Variants in OSBPL6 observed in about 807,000 individuals in gnomAD.
OSBPL6 encodes oxysterol binding protein like 6.
A neutral mutation model predicts 125.8 loss-of-function variants in OSBPL6; 49 were observed. The observed-to-expected ratio is 0.39, with a 90% CI of 0.31 to 0.49. OSBPL6 has a LOEUF of 0.49. OSBPL6 is among the 20% of genes least tolerant of loss of function. OSBPL6 has a pLI of 0.88. For synonymous variants in OSBPL6, 394 were observed against 391.8 expected (o/e 1.01, Z -0.07); for missense variants, 986 against 1,135.4 (o/e 0.87, Z 1.89).
chr2:178,366,396 G>A (rs1323791488), intron 13 of OSBPL6, among the ~76,000 whole-genome samples: 1 of 152,208 alleles, frequency 6.6e-6, no homozygotes, highest in Non-Finnish European at 1.5e-5. Context: ...CGCAGTGAGA[G>A]TTGGGCTCAT....
intron 1 of OSBPL6, among the ~76,000 whole-genome samples, chr2:178,205,246 A>G (rs575931176): frequency 6.6e-6 from 1 of 152,336 alleles, no homozygotes; most frequent in East Asian, 1.9e-4. Context: ...GTGACAGCTC[A>G]TGATTAAGTA....
intron 9 of OSBPL6, among the ~76,000 whole-genome samples, chr2:178,336,849 C>T (rs551451596): frequency 5.0e-4 from 76 of 152,174 alleles, no homozygotes; most frequent in Non-Finnish European, 9.8e-4. Context: ...AGGTCACTTC[C>T]GCAGCTGCCT....
chr2:178,323,939 T>C (rs577521444), intron 3 of OSBPL6, among the ~76,000 whole-genome samples: 3 of 152,308 alleles, frequency 2.0e-5, no homozygotes, highest in South Asian at 2.1e-4. Flanking sequence ...TTCCTCTGAC[T>C]CTCCAAGACT....
chr2:178,276,508 G>A (rs532756253), intron 1 of OSBPL6, among the ~76,000 whole-genome samples: 16 of 151,964 alleles, frequency 1.1e-4, no homozygotes, highest in Admixed American at 7.9e-4. Context: ...AAGTAGCTGG[G>A]ATTACAGGTA....
Position 178,339,692 on chromosome 2 carries a change from A to G in OSBPL6, c.915A>G (p.Ser305=), listed in dbSNP as rs1690028403. The G allele has an allele frequency of 1.9e-6, 3 of 1,605,502 alleles. No individual in the cohort carries two copies. Among genetic ancestry groups the G allele is most frequent in the African/African-American group, 1.3e-5 (1 of 74,308 alleles). Reference sequence around the variant, plus strand: ...TGTAGGCTAACTGTGTAGATATTTCAAAGAAAGACAAGCGGGTCACAAGAC... The same window carrying G: ...TGTAGGCTAACTGTGTAGATATTTCGAAGAAAGACAAGCGGGTCACAAGAC... ...TDMQANCVDI[S]KKDKRVTRRW... Residue 305 remains serine (S), a synonymous_variant, in exon 11 of 25, where the codon TCA becomes TCG. Transcript: ENST00000190611.
intron 12 of OSBPL6, among the ~76,000 whole-genome samples, chr2:178,361,022 A>G (rs1692303832): frequency 6.6e-6 from 1 of 152,244 alleles, no homozygotes; most frequent in Non-Finnish European, 1.5e-5. Flanking sequence ...CTCAGATTTT[A>G]CCAATGCTAA....
chr2:178,316,727 TCA>T (rs1309936172), intron 3 of OSBPL6, among the ~76,000 whole-genome samples: 1 of 152,144 alleles, frequency 6.6e-6, no homozygotes, highest in South Asian at 2.1e-4. Context: ...GTATTAGGTA[TCA>T]CAAGTAATAT....
intron 3 of OSBPL6, among the ~76,000 whole-genome samples, chr2:178,307,849 GA>G (rs1253716857): frequency 9.9e-5 from 15 of 152,268 alleles, no homozygotes; most frequent in African/African-American, 3.6e-4. Context: ...GACTCCTGTA[GA>G]AACATCTATC....
In OSBPL6 at chr2:178,334,101, T is replaced by TA. The variant is rs1023761794; in HGVS notation, c.657+1069dup. 3.8e-4 allele frequency among the ~76,000 whole-genome samples: 57 copies of TA among 151,790 alleles called. No homozygotes were observed. In the Middle Eastern group the frequency reaches 0.01, roughly 27 times the overall value. On this transcript the variant is annotated intron_variant, in intron 8 of 24. Coordinates refer to ENST00000190611, the MANE Select transcript of OSBPL6 (RefSeq NM_032523.4). ...ATGAAAAGCAAGAGATGTTGTTTGTTAAAAAAAAATCAAGGTTAAGTCAAC... is the reference window on the plus strand; with the variant it reads ...ATGAAAAGCAAGAGATGTTGTTTGTTAAAAAAAAAATCAAGGTTAAGTCAAC...
At chr2:178,282,140 G>A (rs1231004651) in intron 1 of OSBPL6, among the ~76,000 whole-genome samples, 1 of 152,198 alleles carries the variant, frequency 6.6e-6, no homozygotes, top group African/African-American at 2.4e-5. Flanking sequence ...TGAAGGAGTT[G>A]GGAGTTGCAG....
chr2:178,328,136 T>G, intron 4 of OSBPL6, 120 bp from the exon 5 acceptor site: 1 of 1,300,754 alleles, frequency 7.7e-7, no homozygotes, highest in African/African-American at 1.5e-5. Flanking sequence ...GGAATGTTGT[T>G]CATCCTTCTT....
Position 178,332,710 on chromosome 2 carries a change from C to T in OSBPL6, c.442C>T (p.Arg148Ter), listed in dbSNP as rs780487276. Reference sequence around the variant, plus strand: ...AGTCATGTCAATTAAAAAGAAAGCTCGAAGAATAGACCTTGACACCGAAGA... The same window carrying T: ...AGTCATGTCAATTAAAAAGAAAGCTTGAAGAATAGACCTTGACACCGAAGA... ...LSVMSIKKKA[R>*]RIDLDTEEHI... The change falls in exon 7 of 25, where the codon CGA becomes TGA. Residue 148 changes from arginine to a stop codon, truncating the protein, a stop_gained. Transcript: ENST00000190611. LOFTEE classifies it high-confidence loss of function. The T allele has an allele frequency of 1.9e-6, 3 of 1,613,940 alleles. No homozygotes were observed. Among genetic ancestry groups the T allele is most frequent in the South Asian group, 1.1e-5 (1 of 91,062 alleles).
At chr2:178,221,518 A>G (rs1046934409) in intron 1 of OSBPL6, among the ~76,000 whole-genome samples, 1 of 152,226 alleles carries the variant, frequency 6.6e-6, no homozygotes, top group African/African-American at 2.4e-5. Context: ...TTCTAAGATA[A>G]TTATTTGATC....
chr2:178,304,705 A>G (rs1005836072), intron 2 of OSBPL6, among the ~76,000 whole-genome samples: 2 of 152,142 alleles, frequency 1.3e-5, no homozygotes, highest in Admixed American at 1.3e-4. Context: ...TAACACATGA[A>G]TTTTGGTGCA....
In OSBPL6 at chr2:178,320,407, G is replaced by A. The variant is rs763127881; in HGVS notation, c.103-3770G>A. 7 of 1,612,842 alleles carry A rather than the reference G, an allele frequency of 4.3e-6. No individual in the cohort carries two copies. The Admixed American group carries it at 1.0e-4, about 23-fold the overall frequency. On this transcript the variant is annotated intron_variant, in intron 3 of 24. Transcript: ENST00000190611. ...ATCAGGGGAAACAGAGGGCGGGTAAGTACTTCCACCTTCTCTGTGTGTTCT... is the reference window on the plus strand; with the variant it reads ...ATCAGGGGAAACAGAGGGCGGGTAAATACTTCCACCTTCTCTGTGTGTTCT...
rs1164799205 is a variant in OSBPL6 at position 178,402,796 on chromosome 2, C to A, written c.*7237C>A. 2 of 152,114 alleles carry A rather than the reference C, an allele frequency of 1.3e-5. No individual in the cohort carries two copies. The highest frequency in any genetic ancestry group is 2.9e-5 in the Non-Finnish European group (2 of 68,032). 9.4% of individuals were successfully genotyped at this position (152,114 alleles called of 1,614,324 possible). On this transcript the variant is annotated 3_prime_UTR_variant, in exon 25 of 25. Coordinates refer to ENST00000190611, the MANE Select transcript of OSBPL6 (RefSeq NM_032523.4). The stretch of plus-strand genomic sequence containing the variant: ...TGAAAAATTTGTCTAATCTGTGCCA[C>A]CTCAAAATAAGAATTGTGCCTCTTC...
intron 2 of OSBPL6, among the ~76,000 whole-genome samples, chr2:178,296,715 CA>C (rs1456859450): frequency 6.6e-6 from 1 of 152,114 alleles, no homozygotes; most frequent in Non-Finnish European, 1.5e-5. Context: ...TCCAGCTCAC[CA>C]CTAGATACGT....
chr2:178,389,128 G>A lies in OSBPL6; in HGVS notation c.2276G>A (p.Cys759Tyr). ...VTIRNTKSSV[C>Y]ICKLTFVKVN... ...ATCAGAAATACCAAAAGCAGTGTTT[G>A]CATTTGCAAACTCACATTTGTCAAG... The change falls in exon 21 of 25, where the codon TGC (cysteine) becomes TAC (tyrosine). Residue 759 changes from cysteine (C) to tyrosine (Y), a missense_variant. By Grantham distance (194) the Cys-to-Tyr change is radical (BLOSUM62 -2). This residue lies in a region of OSBPL6 where 843 missense variants were observed against 997.3 expected (regional missense o/e 0.85). Coordinates refer to ENST00000190611, the MANE Select transcript of OSBPL6 (RefSeq NM_032523.4). The A allele has an allele frequency of 6.2e-7, 1 of 1,613,750 alleles. No individual in the cohort carries two copies. Among genetic ancestry groups the A allele is most frequent in the Non-Finnish European group, 8.5e-7 (1 of 1,179,950 alleles).
chr2:178,359,362 C>G (rs1049557864), intron 12 of OSBPL6, among the ~76,000 whole-genome samples: 1 of 152,140 alleles, frequency 6.6e-6, no homozygotes. Flanking sequence ...TGCGCCACCA[C>G]CTCACACCTG....
Sources: allele counts gnomAD v4.1 joint callset (sites outside exome capture counted in the v4.1 genomes callset), GRCh38; gene constraint gnomAD v4.1.1; regional missense constraint gnomAD v4.1.1; transcripts MANE v1.5; gene names NCBI Gene and HGNC (gene_info 2026-07-23, HGNC 2026-07-21).